Variants in COL21A1 observed in about 807,000 individuals in gnomAD.
The protein encoded by COL21A1 is collagen alpha-1(XXI) chain.
Under a neutral mutation model 137.9 loss-of-function variants are expected in COL21A1, and 149 were observed. The ratio of observed to expected loss-of-function variants is 1.08; its 90% CI spans 0.95 to 1.24. COL21A1 has a LOEUF of 1.24. Ranked by LOEUF, COL21A1 falls within the 50% of genes most tolerant of loss-of-function variation. The probability of loss-of-function intolerance (pLI) is 0.00; values close to 1 mark genes in which losing one functional copy is unlikely to be tolerated. For missense variants in COL21A1, 1,167 were observed against 1,158.4 expected, an observed-to-expected ratio of 1.01 and a Z score of -0.11; for synonymous variants, 456 against 391.5, an observed-to-expected ratio of 1.16 and a Z score of -1.95.
At chr6:56,058,576 T>A (rs747513598) in intron 29 of COL21A1, among the ~76,000 whole-genome samples, 1 of 152,188 alleles carries the variant, frequency 6.6e-6, no homozygotes, top group Non-Finnish European at 1.5e-5. Flanking sequence ...ATTGTAAGTG[T>A]TGTTCAAAGT....
intron 1 of COL21A1, among the ~76,000 whole-genome samples, chr6:56,279,560 T>C (rs72645374): frequency 0.15 from 22,908 of 152,106 alleles, 3,234 homozygotes; most frequent in East Asian, 0.61. Context: ...TCCATTCCAA[T>C]TGTCAGATTT....
intron 1 of COL21A1, among the ~76,000 whole-genome samples, chr6:56,295,081 T>C (rs918102174): frequency 6.6e-6 from 1 of 152,108 alleles, no homozygotes; most frequent in Non-Finnish European, 1.5e-5. Context: ...TGTACGTCTA[T>C]GATCCATTTT....
intron 1 of COL21A1, among the ~76,000 whole-genome samples, chr6:56,189,930 A>G (rs935168426): frequency 6.6e-5 from 10 of 152,242 alleles, no homozygotes; most frequent in Non-Finnish European, 1.3e-4. Context: ...GAGAGATTTT[A>G]TCACCACCAG....
chr6:56,325,025 TC>T lies in COL21A1; in HGVS notation c.-39+68945del, dbSNP rs1205763943. Among the ~76,000 whole-genome samples the T allele has an allele frequency of 4.6e-5, 7 of 151,242 alleles. No individual in the cohort carries two copies. In the East Asian group the frequency reaches 1.2e-3, roughly 26 times the overall value. ...TTTCTCCTAGTTTATTACCATTAGA[TC>T]ATACCCTTTTTGCGCTATCCTGTTT... On this transcript the variant is annotated intron_variant, in intron 1 of 28. Coordinates refer to the COL21A1 transcript ENST00000370819.
At chr6:56,208,344 T>C (rs1779929774) in intron 1 of COL21A1, among the ~76,000 whole-genome samples, 1 of 152,146 alleles carries the variant, frequency 6.6e-6, no homozygotes, top group Non-Finnish European at 1.5e-5. Flanking sequence ...ATACAAAATC[T>C]ATGTGTAAAA....
intron 1 of COL21A1, among the ~76,000 whole-genome samples, chr6:56,353,908 TA>T (rs1407751865): frequency 1.3e-5 from 2 of 152,204 alleles, no homozygotes; most frequent in Non-Finnish European, 2.9e-5. Flanking sequence ...ACATAATTTT[TA>T]AATTTAAATA....
In COL21A1 at chr6:56,162,202, A is replaced by G. The variant is rs544775501; in HGVS notation, c.1371+2221T>C. 2.1e-4 allele frequency among the ~76,000 whole-genome samples: 32 copies of G among 152,332 alleles called. No homozygotes were observed. The South Asian group carries it at 6.4e-3, about 31-fold the overall frequency. Reference sequence around the variant, plus strand: ...TTACATACAGGTCCATGTTCTGGGTAAGGAACCACTTCCAGGATAAAGAGT... The same window carrying G: ...TTACATACAGGTCCATGTTCTGGGTGAGGAACCACTTCCAGGATAAAGAGT... On this transcript the variant is annotated intron_variant, in intron 9 of 29. Coordinates refer to ENST00000244728, the MANE Select transcript of COL21A1 (RefSeq NM_030820.4).
At chr6:56,179,148 G>A (rs1460036673) in intron 3 of COL21A1, among the ~76,000 whole-genome samples, 1 of 151,852 alleles carries the variant, frequency 6.6e-6, no homozygotes, top group African/African-American at 2.4e-5. Flanking sequence ...GATTTAGGCA[G>A]AAGGATAAAC....
chr6:56,097,902 A>T (rs1582329176), intron 17 of COL21A1, among the ~76,000 whole-genome samples: 1 of 80,036 alleles, frequency 1.2e-5, no homozygotes, highest in Non-Finnish European at 2.3e-5. Context: ...TAAATATATA[A>T]ATATATAAAT....
chr6:56,165,020 T>C (rs1208435881), intron 7 of COL21A1, among the ~76,000 whole-genome samples, 198 bp from the exon 8 acceptor site: 1 of 116,874 alleles, frequency 8.6e-6, no homozygotes, highest in African/African-American at 3.2e-5. Flanking sequence ...TATAGGAGAA[T>C]ACAGAAAGGA....
chr6:56,351,543 G>A lies in COL21A1; in HGVS notation c.-39+42428C>T, dbSNP rs77342122. The stretch of plus-strand genomic sequence containing the variant: ...CAGAGAGGAGAGACTTTGGAGAGGG[G>A]AATCCTAAATCTGCATGTGAACCAA... On this transcript the variant is annotated intron_variant, in intron 1 of 28. Coordinates refer to the COL21A1 transcript ENST00000370819. 3.5e-3 allele frequency among the ~76,000 whole-genome samples: 538 copies of A among 152,304 alleles called. 3 individuals are homozygous for A. Among genetic ancestry groups the A allele is most frequent in the African/African-American group, 0.012 (515 of 41,552 alleles).
At chr6:56,108,712 G>A (rs903240235) in intron 16 of COL21A1, among the ~76,000 whole-genome samples, 2 of 151,734 alleles carry the variant, frequency 1.3e-5, no homozygotes, top group Non-Finnish European at 3.0e-5. Context: ...AGTTATAGAA[G>A]ATCTAAATAA....
intron 16 of COL21A1, among the ~76,000 whole-genome samples, chr6:56,102,730 AAAC>A (rs1770566244): frequency 1.3e-5 from 2 of 152,176 alleles, no homozygotes; most frequent in African/African-American, 2.4e-5. Context: ...CACATTACAT[AAAC>A]AACAGTTCTC....
chr6:56,323,580 G>A (rs894469404), intron 1 of COL21A1, among the ~76,000 whole-genome samples: 9 of 152,056 alleles, frequency 5.9e-5, no homozygotes, highest in Admixed American at 3.3e-4. Context: ...AGTAGAGACA[G>A]GGTTTCAGCA....
chr6:56,263,080 C>T (rs1763316309), intron 1 of COL21A1, among the ~76,000 whole-genome samples: 1 of 152,202 alleles, frequency 6.6e-6, no homozygotes, highest in Non-Finnish European at 1.5e-5. Context: ...ACAATCCCAA[C>T]CACTCCGCTC....
chr6:56,101,266 G>A (rs1582356166), intron 17 of COL21A1, among the ~76,000 whole-genome samples: 1 of 152,244 alleles, frequency 6.6e-6, no homozygotes, highest in South Asian at 2.1e-4. Flanking sequence ...GACTCACACT[G>A]TTTGCAAAAT....
At chr6:56,084,857 C>G (rs1353062270) in intron 17 of COL21A1, among the ~76,000 whole-genome samples, 2 of 152,028 alleles carry the variant, frequency 1.3e-5, no homozygotes, top group African/African-American at 4.8e-5. Flanking sequence ...GAAATCAATA[C>G]TGGGGAGATC....
At chr6:56,337,572 T>C (rs1383372251) in intron 1 of COL21A1, among the ~76,000 whole-genome samples, 2 of 152,256 alleles carry the variant, frequency 1.3e-5, no homozygotes, top group Non-Finnish European at 2.9e-5. Context: ...CCTGGCCATA[T>C]TGAGGCCCAT....
intron 1 of COL21A1, among the ~76,000 whole-genome samples, chr6:56,200,910 AG>A (rs1287121222): frequency 6.6e-6 from 1 of 152,158 alleles, no homozygotes; most frequent in Non-Finnish European, 1.5e-5. Flanking sequence ...ACTAGTTTAC[AG>A]TCCCACCAAC....
Sources: gnomAD v4.1 joint callset for allele counts (sites outside exome capture counted in the v4.1 genomes callset) on GRCh38, gnomAD v4.1.1 for gene constraint, MANE v1.5 for transcripts, NCBI Gene and HGNC (gene_info 2026-07-23, HGNC 2026-07-21) for gene names.